The following NR1H4 variants were observed in gnomAD, a reference collection of about 807,000 sequenced individuals.
The protein encoded by NR1H4 is nuclear receptor subfamily 1 group H member 4.
A neutral mutation model predicts 58.5 loss-of-function variants in NR1H4; 23 were observed. That is an observed-to-expected ratio of 0.39 (90% CI 0.28 to 0.56). The LOEUF is 0.56. Among genes scored for constraint, NR1H4 ranks in the 20% least tolerant of loss-of-function variants. The pLI is 0.58. For synonymous variants in NR1H4, 214 were observed against 198.0 expected (o/e 1.08, Z -0.68); for missense variants, 487 against 576.9 (o/e 0.84, Z 1.60).
chr12:100,527,767 A>G (rs1032703815), intron 4 of NR1H4, among the ~76,000 whole-genome samples: 5 of 152,054 alleles, frequency 3.3e-5, no homozygotes, highest in African/African-American at 1.2e-4. Flanking sequence ...TGTCCTTGCG[A>G]TCGTTTGCTG....
intron 9 of NR1H4, among the ~76,000 whole-genome samples, chr12:100,549,891 G>T (rs951653183): frequency 6.6e-6 from 1 of 152,094 alleles, no homozygotes; most frequent in Non-Finnish European, 1.5e-5. Context: ...ACCTGATCTC[G>T]CAAGATGACC....
chr12:100,520,698 T>G (rs1206176849), intron 4 of NR1H4, among the ~76,000 whole-genome samples: 1 of 152,144 alleles, frequency 6.6e-6, no homozygotes, highest in Non-Finnish European at 1.5e-5. Flanking sequence ...ACAGCAAAAC[T>G]CCACAATCCC....
intron 1 of NR1H4, among the ~76,000 whole-genome samples, chr12:100,491,118 A>C (rs1953595669): frequency 6.6e-6 from 1 of 151,822 alleles, no homozygotes; most frequent in Non-Finnish European, 1.5e-5. Context: ...TTACTGGCTT[A>C]CTCTTCAGGA....
rs1420926611 is a variant in NR1H4 at position 100,493,290 on chromosome 12, C to T, written c.-34C>T. 3 of 1,072,962 alleles carry T rather than the reference C, an allele frequency of 2.8e-6. No homozygotes were observed. Among genetic ancestry groups the T allele is most frequent in the Non-Finnish European group, 4.3e-6 (3 of 699,866 alleles). 66.5% of individuals were successfully genotyped at this position (1,072,962 alleles called of 1,614,324 possible). A position where few individuals can be genotyped will look rare whatever the true frequency, so the allele number is the denominator to read the frequency against. On this transcript the variant is annotated 5_prime_UTR_variant, in exon 3 of 11. Transcript: ENST00000392986. ...TTCAGGAGTTTTTTTTGAAGACCAC[C>T]ATAAAGAAAGTGCATTTCAATTGAA...
intron 6 of NR1H4, 90 bp downstream of exon 6, chr12:100,535,113 C>A: frequency 1.4e-6 from 2 of 1,419,638 alleles, no homozygotes; most frequent in Non-Finnish European, 2.0e-6. Flanking sequence ...CAAATTAAAG[C>A]CACAGGCACA....
intron 9 of NR1H4, among the ~76,000 whole-genome samples, chr12:100,555,728 A>G (rs550688878): frequency 6.6e-6 from 1 of 152,346 alleles, no homozygotes; most frequent in South Asian, 2.1e-4. Context: ...CATTTCACAG[A>G]TGAGAAAATG....
rs1470109972 is a variant in NR1H4, at chr12:100,563,554, C to T, written c.*65C>T. ...TCATATTAATCTGATGTATAACTTT[C>T]CTTTATTTCACTTGTACCCAGTTTC... On this transcript the variant is annotated 3_prime_UTR_variant, in exon 11 of 11. Coordinates refer to ENST00000392986, the MANE Select transcript of NR1H4 (RefSeq NM_001206979.2). The T allele has an allele frequency of 3.2e-6, 4 of 1,261,158 alleles. No homozygotes were observed. In the African/African-American group the frequency reaches 5.9e-5, roughly 19 times the overall value. The allele number at this position is 1,261,158 out of a possible 1,614,324, so 78.1% of individuals were successfully genotyped here.
chr12:100,502,080 G>A (rs1476688336), intron 3 of NR1H4, among the ~76,000 whole-genome samples: 1 of 152,160 alleles, frequency 6.6e-6, no homozygotes, highest in Non-Finnish European at 1.5e-5. Flanking sequence ...AGTGATGATG[G>A]GTAGCCACCT....
intron 4 of NR1H4, among the ~76,000 whole-genome samples, chr12:100,512,597 C>T (rs1452336447): frequency 2.0e-5 from 3 of 151,174 alleles, no homozygotes; most frequent in South Asian, 2.1e-4. Context: ...GCCGAGATCA[C>T]GCCACTGCAC....
At chr12:100,532,964 G>A (rs1294273002) in intron 5 of NR1H4, among the ~76,000 whole-genome samples, 4 of 152,044 alleles carry the variant, frequency 2.6e-5, no homozygotes, top group Non-Finnish European at 5.9e-5. Context: ...TGCTTAATTA[G>A]CATACAAATT....
chr12:100,522,624 G>A (rs1954455807), intron 4 of NR1H4, among the ~76,000 whole-genome samples: 1 of 151,816 alleles, frequency 6.6e-6, no homozygotes, highest in Non-Finnish European at 1.5e-5. Context: ...GACTTGTATA[G>A]TGATGAATTC....
Position 100,563,635 on chromosome 12 carries a change from C to A in NR1H4, c.*146C>A, listed in dbSNP as rs1324553222. The A allele has an allele frequency of 1.4e-6, 1 of 719,400 alleles. No individual in the cohort carries two copies. The highest frequency in any genetic ancestry group is 2.5e-5 in the East Asian group (1 of 39,714). 44.6% of individuals were successfully genotyped at this position (719,400 alleles called of 1,614,324 possible). ...GTAATTACATGTGTAACTTCCACAA[C>A]TGTAAATATTGGGCTAGATAGAACA... On this transcript the variant is annotated 3_prime_UTR_variant, in exon 11 of 11. Coordinates refer to ENST00000392986, the MANE Select transcript of NR1H4 (RefSeq NM_001206979.2).
At chr12:100,501,350 A>G (rs906498759) in intron 3 of NR1H4, among the ~76,000 whole-genome samples, 8 of 148,546 alleles carry the variant, frequency 5.4e-5, no homozygotes, top group African/African-American at 1.8e-4. Flanking sequence ...AGGACTGAAA[A>G]TGGCTTTGCA....
At chr12:100,527,000 C>T (rs1049889083) in intron 4 of NR1H4, among the ~76,000 whole-genome samples, 1 of 152,112 alleles carries the variant, frequency 6.6e-6, no homozygotes, top group Non-Finnish European at 1.5e-5. Flanking sequence ...AATGAAAAAG[C>T]AATAGAAGCA....
intron 4 of NR1H4, among the ~76,000 whole-genome samples, chr12:100,531,240 A>T (rs1954684203): frequency 6.6e-6 from 1 of 152,076 alleles, no homozygotes; most frequent in Non-Finnish European, 1.5e-5. Flanking sequence ...CAGATCACTT[A>T]AGGTCAGGAG....
At chr12:100,542,524 A>C (rs1400654345) in intron 9 of NR1H4, among the ~76,000 whole-genome samples, 1 of 152,214 alleles carries the variant, frequency 6.6e-6, no homozygotes, top group Non-Finnish European at 1.5e-5. Flanking sequence ...GGAGATCCTT[A>C]AGATAGGATG....
At position 100,493,395 on chromosome 12, in the gene NR1H4, T is replaced by C; in HGVS notation, c.72T>C (p.Asn24=). ...CAGATGAATTTTCTTTTTCTGAAAA[T>C]TTATTTGGTAAGTTGTCAAGTTCAT... ...PTTDEFSFSE[N]LFGVLTEQVA... The change falls in exon 3 of 11, where the codon AAT becomes AAC. Residue 24 remains asparagine, a synonymous_variant. Transcript: ENST00000392986. 6.7e-7 allele frequency: 1 copy of C among 1,486,912 alleles called. No individual in the cohort carries two copies. The highest frequency in any genetic ancestry group is 1.2e-5 in the South Asian group (1 of 85,552). 92.1% of individuals were successfully genotyped at this position (1,486,912 alleles called of 1,614,324 possible). A position where few individuals can be genotyped will look rare whatever the true frequency, so the allele number is the denominator to read the frequency against.
At chr12:100,525,728 A>C (rs1237638177) in intron 4 of NR1H4, among the ~76,000 whole-genome samples, 2 of 152,176 alleles carry the variant, frequency 1.3e-5, no homozygotes, top group Non-Finnish European at 2.9e-5. Context: ...TCTTCTTTAA[A>C]TGCTTGACAG....
intron 3 of NR1H4, chr12:100,499,712 T>C: frequency 2.6e-6 from 1 of 387,428 alleles, no homozygotes; most frequent in South Asian, 2.0e-5. Flanking sequence ...TTAAAAAAGA[T>C]TGACTATAAA....
Sources: allele counts gnomAD v4.1 joint callset (sites outside exome capture counted in the v4.1 genomes callset), GRCh38; gene constraint gnomAD v4.1.1; transcripts MANE v1.5; gene names NCBI Gene and HGNC (gene_info 2026-07-23, HGNC 2026-07-21).